Variants in RGS7 observed in about 807,000 individuals in gnomAD.
RGS7 encodes the protein regulator of G-protein signaling 7.
Under a neutral mutation model 81.1 loss-of-function variants are expected in RGS7, and 27 were observed. The observed-to-expected ratio is 0.33, with a 90% CI of 0.25 to 0.46. The LOEUF (loss-of-function observed/expected upper bound fraction) is 0.46. RGS7 is among the 20% of genes least tolerant of loss of function. The probability of loss-of-function intolerance (pLI) is 1.00; values close to 1 mark genes in which losing one functional copy is unlikely to be tolerated. For synonymous variants in RGS7, 208 were observed against 207.7 expected (o/e 1.00, Z -0.01); for missense variants, 396 against 607.4 (o/e 0.65, Z 3.66).
intron 6 of RGS7, among the ~76,000 whole-genome samples, chr1:240,921,820 G>A (rs1483726974): frequency 2.0e-5 from 3 of 152,042 alleles, no homozygotes; most frequent in Non-Finnish European, 4.4e-5. Flanking sequence ...TAAGATGTGA[G>A]TTCTTTCCAA....
chr1:241,196,933 C>A (rs1220851991), intron 2 of RGS7, among the ~76,000 whole-genome samples: 2 of 147,776 alleles, frequency 1.4e-5, no homozygotes, highest in African/African-American at 2.5e-5. Context: ...TGTATCTGAC[C>A]AGCTAGTACT....
intron 9 of RGS7, among the ~76,000 whole-genome samples, chr1:240,849,873 T>C (rs1320874847): frequency 6.6e-6 from 1 of 152,206 alleles, no homozygotes; most frequent in African/African-American, 2.4e-5. Context: ...TTTATAGCAA[T>C]GCAAGAATGG....
At chr1:240,964,351 G>T (rs1681950974) in intron 4 of RGS7, among the ~76,000 whole-genome samples, 1 of 152,158 alleles carries the variant, frequency 6.6e-6, no homozygotes, top group South Asian at 2.1e-4. Context: ...GCCTGATTGA[G>T]GTTGGGAACC....
chr1:241,311,426 T>C (rs935743379), intron 2 of RGS7, among the ~76,000 whole-genome samples: 2 of 152,194 alleles, frequency 1.3e-5, no homozygotes, highest in African/African-American at 4.8e-5. Context: ...TTCAAGACAA[T>C]ACATTGTTTC....
At chr1:240,919,780 T>A in intron 6 of RGS7, 1 of 706,138 alleles carries the variant, frequency 1.4e-6, no homozygotes, top group Non-Finnish European at 2.6e-6. Flanking sequence ...ATGGACTGTG[T>A]GGTAATGAGA....
At chr1:240,936,855 C>T (rs1008210358) in intron 4 of RGS7, 149 bp from the exon 5 acceptor site, 15 of 666,602 alleles carry the variant, frequency 2.3e-5, no homozygotes, top group African/African-American at 3.6e-5. Flanking sequence ...TCTTTGCTCT[C>T]GAGATAAACT....
At chr1:241,103,391 G>A (rs746930339) in intron 2 of RGS7, among the ~76,000 whole-genome samples, 12 of 152,140 alleles carry the variant, frequency 7.9e-5, no homozygotes, top group African/African-American at 1.9e-4. Context: ...TTGGGTCACC[G>A]AGGATTTTTC....
At chr1:241,067,358 T>A (rs1470560663) in intron 3 of RGS7, among the ~76,000 whole-genome samples, 1 of 152,228 alleles carries the variant, frequency 6.6e-6, no homozygotes, top group Admixed American at 6.5e-5. Context: ...CTGTATTCCA[T>A]GATCCTAGCT....
intron 2 of RGS7, among the ~76,000 whole-genome samples, chr1:241,207,113 T>C (rs12129493): frequency 0.2 from 30,157 of 150,386 alleles, 3,132 homozygotes; most frequent in Middle Eastern, 0.26. Context: ...GGACTACAGG[T>C]GCCCACCACC....
intron 6 of RGS7, among the ~76,000 whole-genome samples, chr1:240,894,077 T>C (rs1035909913): frequency 1.3e-5 from 2 of 152,226 alleles, no homozygotes; most frequent in African/African-American, 4.8e-5. Context: ...TATCTGGCTA[T>C]ACAAATATAG....
intron 2 of RGS7, among the ~76,000 whole-genome samples, chr1:241,285,918 T>C (rs545597550): frequency 6.6e-6 from 1 of 152,316 alleles, no homozygotes; most frequent in Admixed American, 6.5e-5. Flanking sequence ...ATAAAAATGA[T>C]CAGTCATGAT....
chr1:241,234,653 T>C (rs1383042910), intron 2 of RGS7, among the ~76,000 whole-genome samples: 1 of 152,100 alleles, frequency 6.6e-6, no homozygotes, highest in Non-Finnish European at 1.5e-5. Flanking sequence ...GTCTGCCTAC[T>C]TCTGGGCTTT....
At chr1:241,113,614 C>T (rs905813134) in intron 2 of RGS7, among the ~76,000 whole-genome samples, 1 of 152,234 alleles carries the variant, frequency 6.6e-6, no homozygotes, top group Admixed American at 6.5e-5. Flanking sequence ...TTGATAACCT[C>T]TGGTGTAAAG....
chr1:240,873,339 A>G (rs1664818401), intron 6 of RGS7, among the ~76,000 whole-genome samples: 1 of 152,186 alleles, frequency 6.6e-6, no homozygotes, highest in African/African-American at 2.4e-5. Flanking sequence ...TGTAATTTCA[A>G]TACCAAGTTT....
chr1:240,799,975 C>T (rs1366945350), intron 18 of RGS7, among the ~76,000 whole-genome samples: 1 of 152,176 alleles, frequency 6.6e-6, no homozygotes, highest in African/African-American at 2.4e-5. Context: ...CATTTGACTT[C>T]CCCTTTCCAT....
intron 2 of RGS7, among the ~76,000 whole-genome samples, chr1:241,316,452 C>A (rs778397801): frequency 5.3e-5 from 8 of 152,140 alleles, no homozygotes; most frequent in Non-Finnish European, 1.2e-4. Context: ...ATAGGGTAGC[C>A]AGTAATCAGT....
At chr1:241,129,879 A>AATC (rs752467759) in intron 2 of RGS7, among the ~76,000 whole-genome samples, 12 of 152,322 alleles carry the variant, frequency 7.9e-5, no homozygotes, top group East Asian at 3.9e-4. Context: ...TGGCTCAGGT[A>AATC]ATCAACCAAA....
chr1:241,165,466 T>C (rs2070117947), intron 2 of RGS7, among the ~76,000 whole-genome samples: 1 of 152,032 alleles, frequency 6.6e-6, no homozygotes, highest in Admixed American at 6.6e-5. Context: ...AATGATGAGT[T>C]CATGTCCTTT....
In RGS7 at chr1:241,168,803, A is replaced by T. The variant is rs115268628; in HGVS notation, c.79-70041T>A. 7.0e-3 allele frequency among the ~76,000 whole-genome samples: 1,068 copies of T among 152,170 alleles called. 13 individuals are homozygous for T. The highest frequency in any genetic ancestry group is 0.023 in the African/African-American group (971 of 41,504). ...GCGAGAGAGAGAGAACTAGGCCAAG[A>T]GCCCAATGAGCAGAGGTAGAAGTCA... On this transcript the variant is annotated intron_variant, in intron 2 of 18. Coordinates refer to ENST00000440928, the MANE Select transcript of RGS7 (RefSeq NM_001364886.1).
Sources: allele counts gnomAD v4.1 joint callset (sites outside exome capture counted in the v4.1 genomes callset), GRCh38; gene constraint gnomAD v4.1.1; transcripts MANE v1.5; gene names NCBI Gene and HGNC (gene_info 2026-07-23, HGNC 2026-07-21).